The following AHNAK2 variants were observed in gnomAD, a reference collection of about 807,000 sequenced individuals.
AHNAK2 encodes the protein AHNAK nucleoprotein 2.
Under a neutral mutation model 30.7 loss-of-function variants are expected in AHNAK2, and 18 were observed. The observed-to-expected ratio is 0.59, with a 90% CI of 0.41 to 0.87. The LOEUF is 0.87. AHNAK2 is among the 40% of genes least tolerant of loss of function. The pLI, the probability that AHNAK2 is intolerant of heterozygous loss-of-function variation, is 0.00. For missense variants in AHNAK2, 8,604 were observed against 7,373.0 expected (o/e 1.17, Z -6.11); for synonymous variants, 3,590 against 3,073.8 (o/e 1.17, Z -5.56).
rs1332234172 is a variant in AHNAK2 at position 104,941,658 on chromosome 14, A to T, written c.13793T>A (p.Val4598Asp). 1.9e-6 allele frequency: 3 copies of T among 1,613,380 alleles called. No individual in the cohort carries two copies. The African/African-American group carries it at 4.0e-5, about 22-fold the overall frequency. Residue 4598 changes from valine to aspartate, a missense_variant, in exon 7 of 7, where the codon GTC (valine) becomes GAC (aspartate). By Grantham distance (152) the Val-to-Asp change is radical. Transcript: ENST00000333244. ...EVSLPSVETD[V>D]QAPGSMLDGA... is the part of the protein sequence containing the mutation. ...ATCCAGCATGGATCCTGGGGCCTGGACATCCGTCTCCACGCTGGGCAGAGA... is the reference window on the plus strand; with the variant it reads ...ATCCAGCATGGATCCTGGGGCCTGGTCATCCGTCTCCACGCTGGGCAGAGA...
At position 104,949,516 on chromosome 14, in the gene AHNAK2, T is replaced by C. The variant is rs1404035790; in HGVS notation, c.5935A>G (p.Lys1979Glu). The change falls in exon 7 of 7, where the codon AAG becomes GAG. Residue 1979 changes from lysine (K) to glutamate (E), a missense_variant. Lys to Glu is a moderately conservative substitution (Grantham distance 56). Transcript: ENST00000333244. ...TTGCTGTCTTTGGCAGTCATGTCCT[T>C]GTCGGCCAGGGACAGGTCTCCCTCC... ...RLEGDLSLAD[K>E]DMTAKDSKFK... The C allele has an allele frequency of 4.4e-6, 7 of 1,587,994 alleles. 1 individual carries two copies. Among genetic ancestry groups the C allele is most frequent in the Non-Finnish European group, 5.2e-6 (6 of 1,162,906 alleles).
Position 104,947,274 on chromosome 14 carries a change from C to T in AHNAK2, c.8177G>A (p.Gly2726Asp). The T allele has an allele frequency of 1.2e-6, 2 of 1,611,408 alleles. No homozygotes were observed. The highest frequency in any genetic ancestry group is 2.2e-5 in the South Asian group (2 of 90,994). The part of the protein sequence containing the change: ...LPEGHVPEGA[G>D]LKGHLPKLQM... ...CAGCTTGGGCAGGTGCCCTTTGAGG[C>T]CGGCTCCCTCGGGAACGTGGCCCTC... Residue 2726 changes from glycine to aspartate, a missense_variant, in exon 7 of 7, where the codon GGC (glycine) becomes GAC (aspartate). Gly to Asp is a moderately conservative substitution (Grantham distance 94). Coordinates refer to ENST00000333244, the MANE Select transcript of AHNAK2 (RefSeq NM_138420.4).
In AHNAK2 at chr14:104,945,739, T is replaced by C. The variant is rs565554498; in HGVS notation, c.9712A>G (p.Lys3238Glu). 3.1e-6 allele frequency: 5 copies of C among 1,598,010 alleles called. No homozygotes were observed. In the South Asian group the frequency reaches 3.3e-5, roughly 11 times the overall value. ...ATCTGGGGGCCCTTGCGATCTACTT[T>C]GGGCATCTTGAAACTGGGCATCTGC... ...KLQMPSFKMP[K>E]VDRKGPQIDI... Residue 3238 changes from lysine (K) to glutamate (E), a missense_variant, in exon 7 of 7, where the codon AAA (lysine) becomes GAA (glutamate). By Grantham distance (56) the Lys-to-Glu change is moderately conservative (BLOSUM62 1). Coordinates refer to ENST00000333244, the MANE Select transcript of AHNAK2 (RefSeq NM_138420.4).
rs369539684 is a variant in AHNAK2 at position 104,947,468 on chromosome 14, C to G, written c.7983G>C (p.Ser2661=). Residue 2661 remains serine, a synonymous_variant, in exon 7 of 7, where the codon TCG becomes TCC. Coordinates refer to ENST00000333244, the MANE Select transcript of AHNAK2 (RefSeq NM_138420.4). ...PKFKMPSFRV[S]APGESIEALV... ...ACGCCTCGATGGACTCGCCTGGGGC[C>G]GACACCCTGAATGATGGCATCTTGA... The G allele has an allele frequency of 1.9e-6, 3 of 1,611,738 alleles. No homozygotes were observed. The highest frequency in any genetic ancestry group is 2.2e-5 in the East Asian group (1 of 44,600).
At chr14:104,965,201 C>T (rs1042370258) in intron 1 of AHNAK2, among the ~76,000 whole-genome samples, 2 of 151,884 alleles carry the variant, frequency 1.3e-5, no homozygotes, top group Non-Finnish European at 2.9e-5. Context: ...ATTTTTGTAA[C>T]GATTTAAAAA....
rs370612758 is a variant in AHNAK2 at position 104,943,270 on chromosome 14, T to G, written c.12181A>C (p.Met4061Leu). Residue 4061 changes from methionine (M) to leucine (L), a missense_variant, in exon 7 of 7, where the codon ATG becomes CTG. By Grantham distance (15) the Met-to-Leu change is conservative. Coordinates refer to ENST00000333244, the MANE Select transcript of AHNAK2 (RefSeq NM_138420.4). The stretch of plus-strand genomic sequence containing the variant: ...GGGCCCTTGAGGTCCACTTTGGGCA[T>G]CTTGAAACTGGGCATCTGCACCTTG... ...LPKVQMPSFK[M>L]PKVDLKGPQI... is the part of the protein sequence containing the mutation. The G allele has an allele frequency of 1.2e-6, 2 of 1,612,590 alleles. No individual in the cohort carries two copies. The highest frequency in any genetic ancestry group is 3.3e-5 in the Admixed American group (2 of 59,910).
At position 104,966,615 on chromosome 14, in the gene AHNAK2, A is replaced by C. The variant is rs1229247719; in HGVS notation, c.56-8943T>G. Among the ~76,000 whole-genome samples the C allele has an allele frequency of 6.8e-6, 1 of 146,154 alleles. No individual in the cohort carries two copies. Among genetic ancestry groups the C allele is most frequent in the Non-Finnish European group, 1.5e-5 (1 of 66,134 alleles). The stretch of plus-strand genomic sequence containing the variant: ...CTCCCAGATGGCTGCCAAACCCTCC[A>C]CTCCTTGCCCACCTGCCCCCTCCCA... On this transcript the variant is annotated intron_variant, in intron 1 of 6. Transcript: ENST00000333244. This position sits in a 1 kb window ranked among gnomAD's most constrained non-coding sequence, Gnocchi z 4.3.
chr14:104,937,875 C>A lies in AHNAK2; in HGVS notation c.*188G>T. 1.7e-6 allele frequency: 1 copy of A among 586,644 alleles called. No individual in the cohort carries two copies. Among genetic ancestry groups the A allele is most frequent in the African/African-American group, 1.9e-5 (1 of 53,046 alleles). The allele number at this position is 586,644 out of a possible 1,614,324, so 36.3% of individuals were successfully genotyped here. ...CCAAAGCTTTGAGGGAGCTGGGAAG[C>A]TTTGGTTCCATTTTAGGAGGGCTGT... On this transcript the variant is annotated 3_prime_UTR_variant, in exon 7 of 7. Transcript: ENST00000333244.
rs1898218893 is a variant in AHNAK2, at chr14:104,945,537, T to A, written c.9914A>T (p.Asp3305Val). Residue 3305 changes from aspartate to valine, a missense_variant, in exon 7 of 7, where the codon GAC becomes GTC. Asp to Val is a radical substitution (Grantham distance 152). Transcript: ENST00000333244. ...SLADKDVTAK[D>V]SKFKMPKFKM... Reference sequence around the variant, plus strand: ...GAATTTGGGCATTTTGAACTTGCTGTCTTTGGCAGTCACATCCTTGTCGGC... The same window carrying A: ...GAATTTGGGCATTTTGAACTTGCTGACTTTGGCAGTCACATCCTTGTCGGC... 3.1e-6 allele frequency: 5 copies of A among 1,612,160 alleles called. No homozygotes were observed. In the South Asian group the frequency reaches 5.5e-5, roughly 18 times the overall value.
In AHNAK2 at chr14:104,952,908, G is replaced by A. The variant is rs748446038; in HGVS notation, c.2543C>T (p.Pro848Leu). 6 of 1,611,772 alleles carry A rather than the reference G, an allele frequency of 3.7e-6. No homozygotes were observed. Among genetic ancestry groups the A allele is most frequent in the Non-Finnish European group, 5.1e-6 (6 of 1,179,406 alleles). The change falls in exon 7 of 7, where the codon CCA (proline) becomes CTA (leucine). Residue 848 changes from proline to leucine, a missense_variant. Pro to Leu is a moderately conservative substitution (Grantham distance 98, BLOSUM62 -3). Transcript: ENST00000333244. ...CACCGAGTCCTCCATGGACTTGCCT[G>A]GGGCCGACACCCCGAATGATGGCAT... is the stretch of plus-strand genomic sequence containing the variant. ...FKMPSFGVSA[P>L]GKSMEDSVDV...
In AHNAK2 at chr14:104,938,578, G is replaced by A. The variant is rs1456628200; in HGVS notation, c.16873C>T (p.Pro5625Ser). The A allele has an allele frequency of 6.2e-7, 1 of 1,613,172 alleles. No individual in the cohort carries two copies. The highest frequency in any genetic ancestry group is 2.2e-5 in the East Asian group (1 of 44,898). ...GGAGCCCTGCCTTCATCTGCCAGTG[G>A]TGTGGTTGCCTCTTGGCTATCATCA... ...PPDDSQEATT[P>S]LADEGRAPKD... The change falls in exon 7 of 7, where the codon CCA becomes TCA. Residue 5625 changes from proline (P) to serine (S), a missense_variant. By Grantham distance (74) the Pro-to-Ser change is moderately conservative. Coordinates refer to ENST00000333244, the MANE Select transcript of AHNAK2 (RefSeq NM_138420.4).
At position 104,938,682 on chromosome 14, in the gene AHNAK2, G is replaced by A. The variant is rs375322029; in HGVS notation, c.16769C>T (p.Thr5590Ile). ...SVNVLGQQTLTFEVPSGHQLA... is the reference protein window; with the variant it reads ...SVNVLGQQTLIFEVPSGHQLA... The stretch of plus-strand genomic sequence containing the variant: ...CTGGTGGCCAGAAGGAACTTCAAAT[G>A]TGAGTGTTTGCTGTCCCAGTACATT... The change falls in exon 7 of 7, where the codon ACA (threonine) becomes ATA (isoleucine). Residue 5590 changes from threonine to isoleucine, a missense_variant. Physicochemically the swap from Thr to Ile is moderately conservative, Grantham distance 89. Coordinates refer to ENST00000333244, the MANE Select transcript of AHNAK2 (RefSeq NM_138420.4). The A allele has an allele frequency of 2.5e-6, 4 of 1,612,726 alleles. No individual in the cohort carries two copies. The highest frequency in any genetic ancestry group is 2.2e-5 in the East Asian group (1 of 44,894).
rs747361926 is a variant in AHNAK2, at chr14:104,952,669, T to C, written c.2782A>G (p.Lys928Glu). ...KVEMPSFKMP[K>E]VDLKGPQIDV... ...ATCTGGGGGCCCTTGAGGTCCACTT[T>C]GGGCATCTTGAAACTGGGCATCTCC... Residue 928 changes from lysine to glutamate, a missense_variant, in exon 7 of 7, where the codon AAA (lysine) becomes GAA (glutamate). By Grantham distance (56) the Lys-to-Glu change is moderately conservative (BLOSUM62 1). Transcript: ENST00000333244. The C allele has an allele frequency of 3.7e-5, 60 of 1,612,382 alleles. 1 individual carries two copies. The Middle Eastern group carries it at 4.9e-4, about 13-fold the overall frequency.
In AHNAK2 at chr14:104,948,275, C is replaced by A; in HGVS notation, c.7176G>T (p.Pro2392=). Residue 2392 remains proline (P), a synonymous_variant, in exon 7 of 7, where the codon CCG becomes CCT. Coordinates refer to ENST00000333244, the MANE Select transcript of AHNAK2 (RefSeq NM_138420.4). ...GGTGCCCTTTGAGGCCGGCTCCCTCCGGCACGGGGCCCTCTGGGAGTTTCA... is the reference window on the plus strand; with the variant it reads ...GGTGCCCTTTGAGGCCGGCTCCCTCAGGCACGGGGCCCTCTGGGAGTTTCA... ...VDVKLPEGPV[P]EGAGLKGHLP... The A allele has an allele frequency of 1.9e-6, 3 of 1,611,304 alleles. No homozygotes were observed. In the South Asian group the frequency reaches 3.3e-5, roughly 18 times the overall value.
At position 104,947,850 on chromosome 14, in the gene AHNAK2, T is replaced by G. The variant is rs368696957; in HGVS notation, c.7601A>C (p.Gln2534Pro). 1.1e-4 allele frequency: 173 copies of G among 1,612,444 alleles called. 4 individuals carry two copies. The African/African-American group carries it at 2.1e-3, about 19-fold the overall frequency. Residue 2534 changes from glutamine to proline, a missense_variant, in exon 7 of 7, where the codon CAG (glutamine) becomes CCG (proline). Physicochemically the swap from Gln to Pro is moderately conservative, Grantham distance 76. Coordinates refer to ENST00000333244, the MANE Select transcript of AHNAK2 (RefSeq NM_138420.4). ...GACCTCCAGGTCAGCGGAAGGGGGCTGAATGCTGAGGTCAGTGGCCTTGAG... is the reference window on the plus strand; with the variant it reads ...GACCTCCAGGTCAGCGGAAGGGGGCGGAATGCTGAGGTCAGTGGCCTTGAG... ...GDLKATDLSI[Q>P]PPSADLEVQA...
At chr14:104,960,447 G>A (rs1384901671) in intron 1 of AHNAK2, among the ~76,000 whole-genome samples, 9 of 152,182 alleles carry the variant, frequency 5.9e-5, no homozygotes, top group South Asian at 4.1e-4. Context: ...TAAAGTATAG[G>A]GGAGGGAAGA....
At position 104,943,120 on chromosome 14, in the gene AHNAK2, C is replaced by T. The variant is rs768643650; in HGVS notation, c.12331G>A (p.Asp4111Asn). Reference sequence around the variant, plus strand: ...AGGTCCCCCTCCAGCTGCACACCATCCAGCTTTGCTCTCGGGGCCTGGACG... The same window carrying T: ...AGGTCCCCCTCCAGCTGCACACCATTCAGCTTTGCTCTCGGGGCCTGGACG... The part of the protein sequence containing the change: ...VDVQAPRAKL[D>N]GVQLEGDLSL... Residue 4111 changes from aspartate (D) to asparagine (N), a missense_variant, in exon 7 of 7, where the codon GAT becomes AAT. Physicochemically the swap from Asp to Asn is conservative, Grantham distance 23. Coordinates refer to ENST00000333244, the MANE Select transcript of AHNAK2 (RefSeq NM_138420.4). 4.3e-6 allele frequency: 7 copies of T among 1,613,362 alleles called. No individual in the cohort carries two copies. The highest frequency in any genetic ancestry group is 5.9e-6 in the Non-Finnish European group (7 of 1,179,654).
At position 104,950,833 on chromosome 14, in the gene AHNAK2, C is replaced by G. The variant is rs776830611; in HGVS notation, c.4618G>C (p.Asp1540His). ...GCAGAAGGGGGCTGTATGCTCAGGT[C>G]AGTGGCCTTGAGGTCCCCCTGCATG... Reference protein sequence around the residue: ...PSMQGDLKATDLSIQPPSADL... With the variant: ...PSMQGDLKATHLSIQPPSADL... Residue 1540 changes from aspartate to histidine, a missense_variant, in exon 7 of 7, where the codon GAC (aspartate) becomes CAC (histidine). Asp to His is a moderately conservative substitution (Grantham distance 81). Transcript: ENST00000333244. 9.5e-5 allele frequency: 151 copies of G among 1,585,642 alleles called. 12 individuals carry two copies. In the African/African-American group the frequency reaches 1.2e-3, roughly 13 times the overall value.
At position 104,947,953 on chromosome 14, in the gene AHNAK2, T is replaced by C. The variant is rs368820884; in HGVS notation, c.7498A>G (p.Lys2500Glu). ...MPSFGVSAPG[K>E]SIEASVDVSA... ...ACATCCACCGAGGCCTCGATGGACT[T>C]GCCTGGGGCAGACACCCCGAATGAC... The change falls in exon 7 of 7, where the codon AAG becomes GAG. Residue 2500 changes from lysine to glutamate, a missense_variant. By Grantham distance (56) the Lys-to-Glu change is moderately conservative (BLOSUM62 1). Coordinates refer to ENST00000333244, the MANE Select transcript of AHNAK2 (RefSeq NM_138420.4). 8.7e-6 allele frequency: 14 copies of C among 1,611,892 alleles called. No homozygotes were observed. In the African/African-American group the frequency reaches 1.2e-4, roughly 14 times the overall value.
Sources: allele counts gnomAD v4.1 joint callset (sites outside exome capture counted in the v4.1 genomes callset), GRCh38; gene constraint gnomAD v4.1.1; non-coding constraint Gnocchi (gnomAD v3.1); transcripts MANE v1.5; gene names NCBI Gene and HGNC (gene_info 2026-07-23, HGNC 2026-07-21).